Variants in COLEC12 observed in about 807,000 individuals in gnomAD.
The protein encoded by COLEC12 is collectin subfamily member 12, also known as collectin-12.
COLEC12 carries 33 observed loss-of-function variants against 71.1 expected under a neutral mutation model. The observed-to-expected ratio is 0.46, with a 90% CI of 0.35 to 0.62. The LOEUF is 0.62. Ranked by LOEUF, COLEC12 falls within the 20% of genes least tolerant of loss-of-function variation. The pLI is 0.00. For synonymous variants in COLEC12, 350 were observed against 353.0 expected (o/e 0.99, Z 0.10); for missense variants, 765 against 916.1 (o/e 0.84, Z 2.13).
intron 8 of COLEC12, among the ~76,000 whole-genome samples, chr18:322,838 C>A (rs1015887296): frequency 6.6e-6 from 1 of 152,166 alleles, no homozygotes; most frequent in Admixed American, 6.5e-5. Context: ...AAACCAGAGG[C>A]AGCGGGAAAG....
intron 5 of COLEC12, among the ~76,000 whole-genome samples, chr18:342,372 C>A (rs1914274899): frequency 6.6e-6 from 1 of 152,264 alleles, no homozygotes; most frequent in Non-Finnish European, 1.5e-5. Context: ...CATCTGCCTT[C>A]GGCACAGTCA....
chr18:329,977 T>C (rs1014562380), intron 8 of COLEC12, among the ~76,000 whole-genome samples: 1 of 152,060 alleles, frequency 6.6e-6, no homozygotes, highest in Non-Finnish European at 1.5e-5. Flanking sequence ...CTTGGGAGTC[T>C]GAGGTGGGAG....
At chr18:388,981 A>T (rs866357416) in intron 2 of COLEC12, among the ~76,000 whole-genome samples, 2 of 152,064 alleles carry the variant, frequency 1.3e-5, no homozygotes, top group South Asian at 2.1e-4. Context: ...TCTCCTGTGG[A>T]GTGTCTACAT....
At chr18:350,402 G>A (rs554000764) in intron 3 of COLEC12, among the ~76,000 whole-genome samples, 72 of 152,186 alleles carry the variant, frequency 4.7e-4, no homozygotes, top group African/African-American at 1.6e-3. Context: ...TCCCAGTCTC[G>A]GGTATGTCTT....
chr18:366,238 A>T (rs1010887517), intron 2 of COLEC12, among the ~76,000 whole-genome samples: 2 of 152,192 alleles, frequency 1.3e-5, no homozygotes, highest in South Asian at 4.1e-4. Context: ...CGGGGGACGT[A>T]GATGTCAATT....
chr18:376,666 C>G (rs111638292), intron 2 of COLEC12, among the ~76,000 whole-genome samples: 1 of 152,104 alleles, frequency 6.6e-6, no homozygotes, highest in Non-Finnish European at 1.5e-5. Flanking sequence ...AATGGGGACA[C>G]GAGTTTCTAG....
chr18:323,233 CATAT>C (rs377764813), intron 8 of COLEC12, among the ~76,000 whole-genome samples: 1 of 151,446 alleles, frequency 6.6e-6, no homozygotes, highest in African/African-American at 2.4e-5. Context: ...CTCAAAAATA[CATAT>C]ATATATATAC....
At position 322,193 on chromosome 18, in the gene COLEC12, T is replaced by TACACACAC. The variant is rs34440882; in HGVS notation, c.2064-394_2064-387dup. ...ATATCTATTCATTATGAGGACATGATACACACACACACACACACACACGCA... is the reference window on the plus strand; with the variant it reads ...ATATCTATTCATTATGAGGACATGATACACACACACACACACACACACACACACACGCA... On this transcript the variant is annotated intron_variant, in intron 8 of 9. Coordinates refer to ENST00000400256, the MANE Select transcript of COLEC12 (RefSeq NM_130386.3). 4.8e-3 allele frequency among the ~76,000 whole-genome samples: 716 copies of TACACACAC among 149,800 alleles called. 15 individuals are homozygous for TACACACAC. The highest frequency in any genetic ancestry group is 0.041 in the Admixed American group (610 of 15,030).
At position 362,303 on chromosome 18, in the gene COLEC12, C is replaced by T. The variant is rs1333778961; in HGVS notation, c.59-4781G>A. Among the ~76,000 whole-genome samples the T allele has an allele frequency of 1.3e-5, 2 of 152,170 alleles. No homozygotes were observed. The highest frequency in any genetic ancestry group is 2.1e-4 in the South Asian group (1 of 4,826). On this transcript the variant is annotated intron_variant, in intron 2 of 9. Coordinates refer to ENST00000400256, the MANE Select transcript of COLEC12 (RefSeq NM_130386.3). This position sits in a 1 kb window ranked among gnomAD's most constrained non-coding sequence, Gnocchi z 4.6. ...GCCTGGCCTCCCTTTCCACTTGACA[C>T]GCTTTCTCTGTCTTGTTTTCCCCCT...
intron 2 of COLEC12, among the ~76,000 whole-genome samples, chr18:410,564 G>A (rs573948903): frequency 3.3e-5 from 5 of 152,078 alleles, no homozygotes; most frequent in South Asian, 4.2e-4. Flanking sequence ...TCAGCCACCC[G>A]AGTAGCTGGG....
rs1485939301 is a variant in COLEC12 at position 353,653 on chromosome 18, C to T, written c.181+3747G>A. ...ATTCAAGAGACACAGGCCATGGTCT[C>T]GGCCCTGAGGACAGAGCACAGAGCT... On this transcript the variant is annotated intron_variant, in intron 3 of 9. Transcript: ENST00000400256. 4.6e-5 allele frequency among the ~76,000 whole-genome samples: 7 copies of T among 152,328 alleles called. No individual in the cohort carries two copies. In the East Asian group the frequency reaches 7.7e-4, roughly 17 times the overall value.
Position 399,162 on chromosome 18 carries a change from A to T in COLEC12, c.59-41640T>A, listed in dbSNP as rs918003800. Among the ~76,000 whole-genome samples, 1 of 152,148 alleles carries T rather than the reference A, an allele frequency of 6.6e-6. No individual in the cohort carries two copies. The highest frequency in any genetic ancestry group is 2.4e-5 in the African/African-American group (1 of 41,380). On this transcript the variant is annotated intron_variant, in intron 2 of 9. Transcript: ENST00000400256. The surrounding 1 kb of genome is among the most constrained non-coding windows in gnomAD (Gnocchi z 4.0). ...AAGGAACCAAAAACAACACAAAAAA[A>T]CCCCAATCTGAAACACTATCCAAAA...
At chr18:447,580 C>T (rs1266010103) in intron 2 of COLEC12, among the ~76,000 whole-genome samples, 1 of 152,204 alleles carries the variant, frequency 6.6e-6, no homozygotes, top group East Asian at 1.9e-4. Context: ...CAATCCATAA[C>T]CTGTGTGTGC....
Position 479,566 on chromosome 18 carries a change from ACG to A in COLEC12, c.58+1139_58+1140del, listed in dbSNP as rs1249746685. ...CTCTCTCTCTCACACACACACAGAA[ACG>A]CACACACACACTCACTCACACACAC... On this transcript the variant is annotated intron_variant, in intron 2 of 9. Coordinates refer to ENST00000400256, the MANE Select transcript of COLEC12 (RefSeq NM_130386.3). 2.6e-5 allele frequency among the ~76,000 whole-genome samples: 4 copies of A among 151,320 alleles called. No individual in the cohort carries two copies. In the East Asian group the frequency reaches 5.8e-4, roughly 22 times the overall value.
intron 9 of COLEC12, among the ~76,000 whole-genome samples, chr18:321,078 G>A (rs761070518): frequency 8.5e-5 from 13 of 152,294 alleles, no homozygotes; most frequent in Middle Eastern, 6.8e-3. Context: ...TTTTGAGATG[G>A]AGTTTCGCTG....
chr18:500,432 G>T lies in COLEC12; in HGVS notation c.7+76C>A. ...GCCCAAGGGAAGGTTCGCGCGGGAG[G>T]CACCTCCGTGGCCTCCCGCGCGCCC... On this transcript the variant is annotated intron_variant, in intron 1 of 9. Coordinates refer to ENST00000400256, the MANE Select transcript of COLEC12 (RefSeq NM_130386.3). The surrounding 1 kb of genome is among the most constrained non-coding windows in gnomAD (Gnocchi z 5.3). 3.5e-6 allele frequency: 3 copies of T among 848,804 alleles called. No homozygotes were observed. Among genetic ancestry groups the T allele is most frequent in the Non-Finnish European group, 4.3e-6 (3 of 696,186 alleles). The allele number at this position is 848,804 out of a possible 1,614,324, so 52.6% of individuals were successfully genotyped here. A position where few individuals can be genotyped will look rare whatever the true frequency, so the allele number is the denominator to read the frequency against.
intron 2 of COLEC12, among the ~76,000 whole-genome samples, chr18:391,032 C>G (rs1201803875): frequency 1.3e-5 from 2 of 152,124 alleles, no homozygotes; most frequent in African/African-American, 4.8e-5. Context: ...TTTTCTATTA[C>G]TTTTTTTACA....
At chr18:393,303 C>T (rs868085765) in intron 2 of COLEC12, among the ~76,000 whole-genome samples, 35 of 152,234 alleles carry the variant, frequency 2.3e-4, no homozygotes, top group African/African-American at 8.2e-4. Context: ...TCCCTTGGCT[C>T]TTAATTCCAG....
At chr18:374,112 A>C (rs1430165948) in intron 2 of COLEC12, among the ~76,000 whole-genome samples, 1 of 152,188 alleles carries the variant, frequency 6.6e-6, no homozygotes, top group African/African-American at 2.4e-5. Context: ...GGCATATGAG[A>C]ATAAATGATC....
Sources: allele counts gnomAD v4.1 joint callset (sites outside exome capture counted in the v4.1 genomes callset), GRCh38; gene constraint gnomAD v4.1.1; non-coding constraint Gnocchi (gnomAD v3.1); transcripts MANE v1.5; gene names NCBI Gene and HGNC (gene_info 2026-07-23, HGNC 2026-07-21).